RAVER2: variants seen among roughly 807,000 people sequenced by gnomAD.
The protein encoded by RAVER2 is ribonucleoprotein PTB-binding 2.
A neutral mutation model predicts 78.1 loss-of-function variants in RAVER2; 46 were observed. The ratio of observed to expected loss-of-function variants is 0.59; its 90% CI spans 0.46 to 0.75. The LOEUF (loss-of-function observed/expected upper bound fraction) is 0.75, where lower values mean the gene tolerates loss of function less well. Among genes scored for constraint, RAVER2 ranks in the 30% least tolerant of loss-of-function variants. The pLI, the probability that RAVER2 is intolerant of heterozygous loss-of-function variation, is 0.00. For missense variants in RAVER2, 793 were observed against 837.5 expected, an observed-to-expected ratio of 0.95 and a Z score of 0.66; for synonymous variants, 311 against 313.3, an observed-to-expected ratio of 0.99 and a Z score of 0.08.
intron 4 of RAVER2, among the ~76,000 whole-genome samples, chr1:64,782,119 A>C (rs1053716736): frequency 6.6e-6 from 1 of 152,040 alleles, no homozygotes; most frequent in African/African-American, 2.4e-5. Flanking sequence ...GGCCAGGCTG[A>C]TCTCGAACTC....
chr1:64,828,648 G>A (rs11208527), intron 11 of RAVER2, among the ~76,000 whole-genome samples: 29,109 of 149,738 alleles, frequency 0.19, 2,998 homozygotes, highest in Admixed American at 0.26. Context: ...AGTGAAACCC[G>A]TTTTCTTTTT....
intron 3 of RAVER2, among the ~76,000 whole-genome samples, chr1:64,778,973 T>A (rs1652550229): frequency 6.8e-6 from 1 of 147,694 alleles, no homozygotes; most frequent in Admixed American, 6.8e-5. Context: ...ATAAATATAT[T>A]ATTTAATATT....
intron 1 of RAVER2, among the ~76,000 whole-genome samples, chr1:64,747,840 T>G (rs2100796570): frequency 6.6e-6 from 1 of 152,294 alleles, no homozygotes; most frequent in South Asian, 2.1e-4. Flanking sequence ...AGAATATCAC[T>G]TTAAGGATCA....
At chr1:64,782,830 C>T (rs996233662) in intron 4 of RAVER2, among the ~76,000 whole-genome samples, 2 of 152,180 alleles carry the variant, frequency 1.3e-5, no homozygotes, top group East Asian at 3.9e-4. Context: ...TTGCTGCACC[C>T]ATCAACTCGT....
At chr1:64,814,084 C>T (rs1259205510) in intron 10 of RAVER2, among the ~76,000 whole-genome samples, 2 of 151,492 alleles carry the variant, frequency 1.3e-5, no homozygotes, top group Admixed American at 1.3e-4. Flanking sequence ...CCACCATGCC[C>T]AGCTAATTTT....
chr1:64,831,190 T>A (rs1432802183), exon 12 of RAVER2: 2 of 413,560 alleles, frequency 4.8e-6, no homozygotes, highest in Non-Finnish European at 8.5e-6. Context: ...TCCACTAGAG[T>A]CAGATGCATC....
chr1:64,761,334 C>G (rs560050509), intron 1 of RAVER2, among the ~76,000 whole-genome samples: 4 of 152,222 alleles, frequency 2.6e-5, no homozygotes, highest in Non-Finnish European at 4.4e-5. Flanking sequence ...TGGGCCCCCC[C>G]CAAAATTCAT....
intron 1 of RAVER2, among the ~76,000 whole-genome samples, chr1:64,753,925 A>G (rs1475630068): frequency 6.6e-6 from 1 of 152,124 alleles, no homozygotes; most frequent in Non-Finnish European, 1.5e-5. Flanking sequence ...AATACACATC[A>G]TTACCACTTT....
At chr1:64,788,885 A>G (rs1037907779) in intron 4 of RAVER2, among the ~76,000 whole-genome samples, 3 of 152,160 alleles carry the variant, frequency 2.0e-5, no homozygotes, top group Admixed American at 2.0e-4. Context: ...TTTATTTGTA[A>G]AAATATAGAA....
At chr1:64,764,369 A>G (rs1652116485) in intron 1 of RAVER2, among the ~76,000 whole-genome samples, 1 of 151,922 alleles carries the variant, frequency 6.6e-6, no homozygotes, top group East Asian at 1.9e-4. Context: ...ATTTTCCCAT[A>G]TGGGAAAAGG....
intron 6 of RAVER2, among the ~76,000 whole-genome samples, 198 bp downstream of exon 6, chr1:64,803,259 G>A (rs1227250648): frequency 6.6e-6 from 1 of 152,054 alleles, no homozygotes; most frequent in East Asian, 1.9e-4. Flanking sequence ...CAGTAGTTAT[G>A]TACCATGATA....
intron 1 of RAVER2, among the ~76,000 whole-genome samples, chr1:64,754,627 C>T (rs1651799561): frequency 1.3e-5 from 2 of 152,006 alleles, no homozygotes; most frequent in Admixed American, 6.6e-5. Context: ...AGCTGTAAAC[C>T]CTCCAAGAAA....
At chr1:64,808,613 C>A (rs1010808857) in intron 9 of RAVER2, among the ~76,000 whole-genome samples, 1 of 151,898 alleles carries the variant, frequency 6.6e-6, no homozygotes, top group Non-Finnish European at 1.5e-5. Context: ...ATGCACACAC[C>A]GCCATACCTG....
At chr1:64,754,136 C>T in intron 1 of RAVER2, among the ~76,000 whole-genome samples, 1 of 152,190 alleles carries the variant, frequency 6.6e-6, no homozygotes, top group East Asian at 1.9e-4. Context: ...CATTTTAAGA[C>T]TATAAGATTG....
intron 4 of RAVER2, among the ~76,000 whole-genome samples, chr1:64,783,368 T>A (rs1229031975): frequency 1.3e-5 from 2 of 152,210 alleles, no homozygotes; most frequent in Non-Finnish European, 2.9e-5. Flanking sequence ...AGCGTTCCTA[T>A]TTCTCCACAT....
intron 5 of RAVER2, among the ~76,000 whole-genome samples, chr1:64,796,955 G>C (rs1653112295): frequency 6.6e-6 from 1 of 151,784 alleles, no homozygotes; most frequent in Admixed American, 6.6e-5. Context: ...AATACTTTTT[G>C]GTTTCCATTT....
intron 4 of RAVER2, among the ~76,000 whole-genome samples, chr1:64,788,275 A>G (rs1433314079): frequency 1.3e-5 from 2 of 152,006 alleles, no homozygotes; most frequent in Non-Finnish European, 2.9e-5. Context: ...GATCAAGACC[A>G]TCCTGGCTAA....
chr1:64,749,927 C>T (rs1434164132), intron 1 of RAVER2, among the ~76,000 whole-genome samples: 1 of 152,008 alleles, frequency 6.6e-6, no homozygotes, highest in Non-Finnish European at 1.5e-5. Flanking sequence ...TTTGTGTTCA[C>T]TTAGGTTTTT....
At chr1:64,769,212 A>C (rs776599387) in intron 2 of RAVER2, among the ~76,000 whole-genome samples, 1 of 152,052 alleles carries the variant, frequency 6.6e-6, no homozygotes, top group African/African-American at 2.4e-5. Context: ...TGTAATTACT[A>C]TGTACACATC....
Sources: gnomAD v4.1 joint callset for allele counts (sites outside exome capture counted in the v4.1 genomes callset) on GRCh38, gnomAD v4.1.1 for gene constraint, MANE v1.5 for transcripts, NCBI Gene and HGNC (gene_info 2026-07-23, HGNC 2026-07-21) for gene names.